The following TJP1 variants were observed in gnomAD, a reference collection of about 807,000 sequenced individuals.
TJP1 encodes the protein tight junction protein 1.
Under a neutral mutation model 194.2 loss-of-function variants are expected in TJP1, and 43 were observed. The ratio of observed to expected loss-of-function variants is 0.22; its 90% CI spans 0.17 to 0.29. TJP1 has a LOEUF of 0.29. TJP1 is among the 10% of genes least tolerant of loss of function. The pLI is 1.00. For synonymous variants in TJP1, 801 were observed against 779.0 expected (o/e 1.03, Z -0.47); for missense variants, 1,971 against 2,185.7 (o/e 0.90, Z 1.96).
At chr15:29,768,968 G>T (rs1337610965) in intron 4 of TJP1, among the ~76,000 whole-genome samples, 1 of 152,100 alleles carries the variant, frequency 6.6e-6, no homozygotes, top group Non-Finnish European at 1.5e-5. Flanking sequence ...GCTTTTGGAA[G>T]CATGACACCA....
intron 2 of TJP1, among the ~76,000 whole-genome samples, chr15:29,935,982 C>T (rs889834637): frequency 6.6e-6 from 1 of 152,090 alleles, no homozygotes; most frequent in Admixed American, 6.5e-5. Flanking sequence ...TCCTCAGCAG[C>T]AATCCTACAT....
chr15:29,750,240 T>C (rs2045171731), intron 8 of TJP1, among the ~76,000 whole-genome samples: 1 of 152,134 alleles, frequency 6.6e-6, no homozygotes, highest in African/African-American at 2.4e-5. Flanking sequence ...TCTGCCCTCA[T>C]GATCAGCCCG....
intron 5 of TJP1, among the ~76,000 whole-genome samples, chr15:29,766,044 T>C (rs1187838517): frequency 6.6e-6 from 1 of 152,090 alleles, no homozygotes; most frequent in African/African-American, 2.4e-5. Flanking sequence ...TCACAACAAA[T>C]CCAAAAGCCA....
intron 23 of TJP1, among the ~76,000 whole-genome samples, chr15:29,712,457 T>G (rs1595578491): frequency 6.6e-6 from 1 of 152,068 alleles, no homozygotes; most frequent in African/African-American, 2.4e-5. Context: ...AAGAAAATGG[T>G]CAATCTAACT....
Position 29,761,668 on chromosome 15 carries a change from C to A in TJP1, c.795G>T (p.Arg265=), listed in dbSNP as rs765695535. 6.2e-6 allele frequency: 10 copies of A among 1,610,908 alleles called. No individual in the cohort carries two copies. In the African/African-American group the frequency reaches 1.2e-4, roughly 19 times the overall value. The change falls in exon 7 of 28, where the codon CGG becomes CGT. Residue 265 remains arginine, a synonymous_variant. Transcript: ENST00000614355. ...KLKMVVQRDE[R]ATLLNVPDLS... is the part of the protein sequence containing the mutation. ...GATCAGGGACATTCAATAGCGTAGCCCGTTCATCTCTTTGAACTACCATTT... is the reference window on the plus strand; with the variant it reads ...GATCAGGGACATTCAATAGCGTAGCACGTTCATCTCTTTGAACTACCATTT...
intron 2 of TJP1, among the ~76,000 whole-genome samples, chr15:29,795,996 G>C (rs915074580): frequency 6.6e-6 from 1 of 151,914 alleles, no homozygotes; most frequent in Non-Finnish European, 1.5e-5. Flanking sequence ...TAAGATAAAA[G>C]GGAACTTCCT....
At chr15:29,948,615 G>A (rs961633818) in intron 2 of TJP1, among the ~76,000 whole-genome samples, 5 of 152,132 alleles carry the variant, frequency 3.3e-5, no homozygotes, top group African/African-American at 1.2e-4. Flanking sequence ...CGTGAGGCCT[G>A]AACTGCTGCC....
At chr15:29,751,518 A>G (rs1040261352) in intron 8 of TJP1, among the ~76,000 whole-genome samples, 8 of 152,370 alleles carry the variant, frequency 5.3e-5, no homozygotes, top group East Asian at 1.9e-4. Context: ...CTGTGGTTCA[A>G]AAGTAATTTT....
chr15:29,849,325 T>C (rs2051544418), intron 2 of TJP1, among the ~76,000 whole-genome samples: 1 of 152,026 alleles, frequency 6.6e-6, no homozygotes, highest in African/African-American at 2.4e-5. Flanking sequence ...TTTTAAAACA[T>C]ATATTTACAA....
intron 2 of TJP1, among the ~76,000 whole-genome samples, chr15:29,909,273 G>T (rs1019779869): frequency 6.0e-5 from 9 of 149,090 alleles, no homozygotes; most frequent in Non-Finnish European, 1.2e-4. Context: ...AGGAGGCAGA[G>T]GTTGCAGTGA....
chr15:29,786,527 T>C (rs2047711615), intron 2 of TJP1, among the ~76,000 whole-genome samples: 1 of 152,220 alleles, frequency 6.6e-6, no homozygotes, highest in Non-Finnish European at 1.5e-5. Context: ...AGAGACAGGG[T>C]CTCACTCTGT....
chr15:29,776,671 A>G (rs2047032869), intron 2 of TJP1, among the ~76,000 whole-genome samples: 2 of 152,110 alleles, frequency 1.3e-5, no homozygotes, highest in Admixed American at 6.6e-5. Context: ...AGCATGCCTT[A>G]GTCTTTCGGA....
chr15:29,771,915 G>C, intron 4 of TJP1, 149 bp downstream of exon 4: 1 of 551,758 alleles, frequency 1.8e-6, no homozygotes, highest in Non-Finnish European at 3.1e-6. Flanking sequence ...TACCACACCA[G>C]TGTTAGAAGA....
chr15:29,908,333 A>C (rs1177392126), intron 2 of TJP1, among the ~76,000 whole-genome samples: 1 of 152,172 alleles, frequency 6.6e-6, no homozygotes. Context: ...CTGGGATATC[A>C]GAATAGCACT....
At chr15:29,810,084 T>C (rs747217217) in intron 1 of TJP1, among the ~76,000 whole-genome samples, 3 of 152,186 alleles carry the variant, frequency 2.0e-5, no homozygotes, top group African/African-American at 4.8e-5. Flanking sequence ...CAAAGAGAAT[T>C]TTCTTTGAGC....
intron 2 of TJP1, among the ~76,000 whole-genome samples, chr15:29,902,632 A>G (rs2053668475): frequency 6.6e-6 from 1 of 152,240 alleles, no homozygotes; most frequent in South Asian, 2.1e-4. Context: ...TTGCTCAGCC[A>G]TAATGGAATT....
intron 18 of TJP1, among the ~76,000 whole-genome samples, chr15:29,725,983 A>G (rs2043215096): frequency 6.6e-6 from 1 of 152,180 alleles, no homozygotes; most frequent in Non-Finnish European, 1.5e-5. Flanking sequence ...TCCTGAATTG[A>G]GCATGCTGAG....
chr15:29,914,878 G>A lies in TJP1; in HGVS notation c.306+41354C>T, dbSNP rs112373836. On this transcript the variant is annotated intron_variant, in intron 2 of 28. Coordinates refer to the TJP1 transcript ENST00000356107. Reference sequence around the variant, plus strand: ...CACACACACATACACACACACACACGCACGCACACACATGCATGCACACAC... The same window carrying A: ...CACACACACATACACACACACACACACACGCACACACATGCATGCACACAC... 1.7e-3 allele frequency among the ~76,000 whole-genome samples: 205 copies of A among 123,594 alleles called. 1 individual carries two copies. The highest frequency in any genetic ancestry group is 8.8e-3 in the African/African-American group (195 of 22,282). The allele number at this position is 123,594 out of a possible 152,430, so 81.1% of individuals were successfully genotyped here. A position where few individuals can be genotyped will look rare whatever the true frequency, so the allele number is the denominator to read the frequency against.
At chr15:29,954,176 A>C (rs923807097) in intron 2 of TJP1, among the ~76,000 whole-genome samples, 1 of 152,190 alleles carries the variant, frequency 6.6e-6, no homozygotes, top group Non-Finnish European at 1.5e-5. Context: ...AATGAGGGAG[A>C]AAATAAACTC....
Sources: allele counts gnomAD v4.1 joint callset (sites outside exome capture counted in the v4.1 genomes callset), GRCh38; gene constraint gnomAD v4.1.1; transcripts MANE v1.5; gene names NCBI Gene and HGNC (gene_info 2026-07-23, HGNC 2026-07-21).